The following ATP8A1 variants were observed in gnomAD, a reference collection of about 807,000 sequenced individuals.
The protein encoded by ATP8A1 is phospholipid-transporting ATPase IA.
A neutral mutation model predicts 177.7 loss-of-function variants in ATP8A1; 90 were observed. The ratio of observed to expected loss-of-function variants is 0.51; its 90% CI spans 0.43 to 0.60. The LOEUF is 0.60. Ranked by LOEUF, ATP8A1 falls within the 20% of genes least tolerant of loss-of-function variation. The probability of loss-of-function intolerance (pLI) is 0.00; values close to 1 mark genes in which losing one functional copy is unlikely to be tolerated. For missense variants in ATP8A1, 1,072 were observed against 1,392.8 expected (o/e 0.77, Z 3.67); for synonymous variants, 493 against 485.9 (o/e 1.01, Z -0.19).
intron 16 of ATP8A1, among the ~76,000 whole-genome samples, chr4:42,555,138 T>TATCTAATCAATC (rs1178885818): frequency 1.3e-5 from 1 of 76,784 alleles, no homozygotes; most frequent in African/African-American, 6.0e-5. Context: ...TCTATCTATC[T>TATCTAATCAATC]AATCTATCTA....
intron 6 of ATP8A1, among the ~76,000 whole-genome samples, chr4:42,598,298 A>T (rs1233069331): frequency 1.3e-5 from 2 of 152,198 alleles, no homozygotes; most frequent in Admixed American, 6.5e-5. Context: ...TTAAAAAATA[A>T]TTTTTGCCTC....
intron 27 of ATP8A1, among the ~76,000 whole-genome samples, chr4:42,464,283 T>TTTTTA (rs1719490094): frequency 8.7e-6 from 1 of 115,358 alleles, no homozygotes; most frequent in Non-Finnish European, 1.9e-5. Context: ...TTTTTTTTTT[T>TTTTTA]GGGGTGGAGT....
intron 16 of ATP8A1, among the ~76,000 whole-genome samples, chr4:42,554,529 T>C (rs1348295300): frequency 6.6e-6 from 1 of 152,154 alleles, no homozygotes; most frequent in Non-Finnish European, 1.5e-5. Context: ...AAAACACCCC[T>C]AGCAACATAC....
chr4:42,625,680 TGGAA>T lies in ATP8A1; in HGVS notation c.194_197del (p.Leu65GlnfsTer44). ...TTCTGAACTGAGAGTAGAGAAATCT[TGGAA>T]GGAATGTGATTATGTTGTATTTTGC... On this transcript the variant is annotated frameshift_variant, in exon 3 of 37. Coordinates refer to ENST00000381668, the MANE Select transcript of ATP8A1 (RefSeq NM_006095.2). LOFTEE classifies it high-confidence loss of function. 1 of 1,607,762 alleles carries T rather than the reference TGGAA, an allele frequency of 6.2e-7. No homozygotes were observed. Among genetic ancestry groups the T allele is most frequent in the Non-Finnish European group, 8.5e-7 (1 of 1,176,932 alleles).
chr4:42,618,074 T>C (rs939528754), intron 4 of ATP8A1, among the ~76,000 whole-genome samples: 9 of 152,228 alleles, frequency 5.9e-5, no homozygotes, highest in African/African-American at 9.6e-5. Flanking sequence ...ATCATCAGTA[T>C]TAGATTGACA....
At chr4:42,539,300 T>C (rs990622825) in intron 20 of ATP8A1, among the ~76,000 whole-genome samples, 17 of 151,834 alleles carry the variant, frequency 1.1e-4, no homozygotes, top group African/African-American at 3.6e-4. Flanking sequence ...GACTACATAT[T>C]GGGTATCGCG....
At chr4:42,622,468 T>C (rs1737576371) in intron 4 of ATP8A1, among the ~76,000 whole-genome samples, 1 of 152,058 alleles carries the variant, frequency 6.6e-6, no homozygotes, top group Non-Finnish European at 1.5e-5. Flanking sequence ...GGCACTACTA[T>C]TCAGGACATA....
chr4:42,454,149 GCCA>G (rs1214562596), intron 29 of ATP8A1, among the ~76,000 whole-genome samples: 1 of 152,114 alleles, frequency 6.6e-6, no homozygotes, highest in Non-Finnish European at 1.5e-5. Flanking sequence ...TTAAAACAGT[GCCA>G]CCAAGTTGTA....
chr4:42,484,096 T>A (rs1469093728), intron 25 of ATP8A1, among the ~76,000 whole-genome samples: 1 of 152,238 alleles, frequency 6.6e-6, no homozygotes, highest in Non-Finnish European at 1.5e-5. Context: ...ATCTGCCACA[T>A]TATTCTGATG....
At chr4:42,618,494 A>T (rs1737133500) in intron 4 of ATP8A1, among the ~76,000 whole-genome samples, 1 of 152,192 alleles carries the variant, frequency 6.6e-6, no homozygotes, top group Non-Finnish European at 1.5e-5. Context: ...CTTAATCTCC[A>T]AGACCTGGTA....
intron 27 of ATP8A1, among the ~76,000 whole-genome samples, chr4:42,458,140 T>C (rs1222180554): frequency 6.6e-6 from 1 of 152,190 alleles, no homozygotes; most frequent in African/African-American, 2.4e-5. Context: ...AGCAGGCCGA[T>C]TTCAAGTTAG....
Position 42,522,238 on chromosome 4 carries a change from T to G in ATP8A1, c.1869A>C (p.Arg623=). 1 of 1,613,818 alleles carries G rather than the reference T, an allele frequency of 6.2e-7. No individual in the cohort carries two copies. Among genetic ancestry groups the G allele is most frequent in the Non-Finnish European group, 8.5e-7 (1 of 1,179,896 alleles). The part of the protein sequence containing the change: ...EISESDFQEW[R]AVYQRASTSV... ...ATGTAGATGCTCGCTGATAGACTGC[T>G]CGCCACTCCTGAAAGTCGCTCTCTG... The change falls in exon 22 of 37, where the codon CGA becomes CGC. Residue 623 remains arginine (R), a synonymous_variant. Coordinates refer to ENST00000381668, the MANE Select transcript of ATP8A1 (RefSeq NM_006095.2).
At chr4:42,562,774 G>A (rs930534592) in intron 15 of ATP8A1, among the ~76,000 whole-genome samples, 11 of 152,126 alleles carry the variant, frequency 7.2e-5, no homozygotes, top group African/African-American at 9.7e-5. Flanking sequence ...AAGATCTGAT[G>A]GTTATTACAA....
At chr4:42,578,519 A>G (rs1020206823) in intron 11 of ATP8A1, 132 bp from the exon 12 acceptor site, 50 of 951,006 alleles carry the variant, frequency 5.3e-5, no homozygotes, top group Non-Finnish European at 6.6e-5. Context: ...TTTGCTGATA[A>G]TCTATCCTAA....
intron 24 of ATP8A1, among the ~76,000 whole-genome samples, chr4:42,502,052 T>G (rs1451177679): frequency 1.3e-5 from 2 of 152,050 alleles, no homozygotes; most frequent in Non-Finnish European, 2.9e-5. Context: ...ATACTTTTTT[T>G]TTTTCAAAAA....
At chr4:42,631,049 A>C (rs1738677053) in intron 1 of ATP8A1, among the ~76,000 whole-genome samples, 1 of 152,178 alleles carries the variant, frequency 6.6e-6, no homozygotes, top group Non-Finnish European at 1.5e-5. Context: ...ATACTTAAAG[A>C]GCTAACAGGG....
chr4:42,526,258 T>C (rs903407880), intron 20 of ATP8A1, among the ~76,000 whole-genome samples: 4 of 152,212 alleles, frequency 2.6e-5, no homozygotes, highest in Non-Finnish European at 5.9e-5. Context: ...AGATGTGGCC[T>C]TCTGCATTAC....
At chr4:42,574,577 T>G in intron 14 of ATP8A1, 42 bp downstream of exon 14, 1 of 1,486,418 alleles carries the variant, frequency 6.7e-7, no homozygotes, top group South Asian at 1.2e-5. Flanking sequence ...TTAGCACTAA[T>G]TAAGCATGTA....
At chr4:42,646,667 G>T (rs1740568667) in intron 1 of ATP8A1, among the ~76,000 whole-genome samples, 1 of 152,150 alleles carries the variant, frequency 6.6e-6, no homozygotes, top group South Asian at 2.1e-4. Flanking sequence ...GTGGTGCTCT[G>T]GTCCAGAACC....
Sources: gnomAD v4.1 joint callset for allele counts (sites outside exome capture counted in the v4.1 genomes callset) on GRCh38, gnomAD v4.1.1 for gene constraint, MANE v1.5 for transcripts, NCBI Gene and HGNC (gene_info 2026-07-23, HGNC 2026-07-21) for gene names.